The following CFAP77 variants were observed in gnomAD, a reference collection of about 807,000 sequenced individuals.
CFAP77 encodes cilia and flagella associated protein 77.
In CFAP77, 25 loss-of-function variants were observed where a neutral mutation model predicts 31.1. That is an observed-to-expected ratio of 0.80 (90% CI 0.59 to 1.12). CFAP77 has a LOEUF of 1.12. Among genes scored for constraint, CFAP77 ranks in the 50% most tolerant of loss-of-function variants. CFAP77 has a pLI of 0.00. For synonymous variants in CFAP77, 151 were observed against 159.9 expected (o/e 0.94, Z 0.42); for missense variants, 377 against 397.3 (o/e 0.95, Z 0.44).
chr9:132,572,606 T>C lies in CFAP77; in HGVS notation c.*96T>C. 1 of 1,254,676 alleles carries C rather than the reference T, an allele frequency of 8.0e-7. No homozygotes were observed. The highest frequency in any genetic ancestry group is 1.1e-6 in the Non-Finnish European group (1 of 915,484). 77.7% of individuals were successfully genotyped at this position (1,254,676 alleles called of 1,614,324 possible). ...CCCCAACCCTGACATTCCCCCATTT[T>C]TATGCAGGTTCTGCTTCAAGGAGCT... On this transcript the variant is annotated 3_prime_UTR_variant, in exon 6 of 6. Coordinates refer to ENST00000393216, the MANE Select transcript of CFAP77 (RefSeq NM_001282957.2).
Position 132,543,994 on chromosome 9 carries a change from G to A in CFAP77, c.732+947G>A, listed in dbSNP as rs116253208. ...AGGGAGCCTTTCTAGGAGGCCACAA[G>A]GCAGTCGCCTGGCCCCGGGAAGACA... On this transcript the variant is annotated intron_variant, in intron 5 of 5. Coordinates refer to ENST00000393216, the MANE Select transcript of CFAP77 (RefSeq NM_001282957.2). 7.3e-3 allele frequency among the ~76,000 whole-genome samples: 1,107 copies of A among 152,340 alleles called. 16 individuals carry two copies. The highest frequency in any genetic ancestry group is 0.025 in the African/African-American group (1,041 of 41,572).
At chr9:132,549,796 G>T (rs1178696100) in intron 5 of CFAP77, among the ~76,000 whole-genome samples, 5 of 152,132 alleles carry the variant, frequency 3.3e-5, no homozygotes, top group Middle Eastern at 3.2e-3. Context: ...CAGAGATTGT[G>T]CCACTACACT....
At chr9:132,469,655 C>T (rs1299537737) in intron 1 of CFAP77, among the ~76,000 whole-genome samples, 1 of 152,022 alleles carries the variant, frequency 6.6e-6, no homozygotes, top group Non-Finnish European at 1.5e-5. Context: ...TTCATTTGCC[C>T]ACCTTTTTAA....
intron 5 of CFAP77, among the ~76,000 whole-genome samples, chr9:132,559,612 C>T (rs1169190278): frequency 6.6e-6 from 1 of 152,132 alleles, no homozygotes; most frequent in East Asian, 1.9e-4. Flanking sequence ...AAGTTGGAAA[C>T]ACTTTGGCAG....
At chr9:132,464,907 C>A (rs899029019) in intron 1 of CFAP77, among the ~76,000 whole-genome samples, 3 of 151,812 alleles carry the variant, frequency 2.0e-5, no homozygotes, top group Non-Finnish European at 1.5e-5. Context: ...CCCTGGCCAA[C>A]TAAAAATACA....
chr9:132,526,542 TAA>T (rs35890047), intron 3 of CFAP77, among the ~76,000 whole-genome samples: 2,146 of 145,486 alleles, frequency 0.015, 55 homozygotes, highest in South Asian at 0.027. Context: ...GGCAGTTTCT[TAA>T]AAAAAAACTA....
chr9:132,520,498 T>C (rs1734843897), intron 3 of CFAP77, among the ~76,000 whole-genome samples: 1 of 152,022 alleles, frequency 6.6e-6, no homozygotes, highest in African/African-American at 2.4e-5. Flanking sequence ...ATTTAAAAAT[T>C]AGCCAGTTAC....
In CFAP77 at chr9:132,422,947, C is replaced by G. The variant is rs75838883; in HGVS notation, c.195+12481C>G. ...TTCCAGGCTGGTTTAGGGTTAGTGA[C>G]TACGATTTGTTTACTTTTTGTAAGT... On this transcript the variant is annotated intron_variant, in intron 1 of 5. Transcript: ENST00000393216. Among the ~76,000 whole-genome samples the G allele has an allele frequency of 7.2e-5, 11 of 152,310 alleles. No individual in the cohort carries two copies. The East Asian group carries it at 2.1e-3, about 29-fold the overall frequency.
chr9:132,504,203 G>T (rs1851897671), intron 3 of CFAP77, among the ~76,000 whole-genome samples: 1 of 152,192 alleles, frequency 6.6e-6, no homozygotes, highest in African/African-American at 2.4e-5. Flanking sequence ...GAGTCCAGTT[G>T]TCAGGCTCCC....
At chr9:132,458,360 G>A (rs1850966528) in intron 1 of CFAP77, among the ~76,000 whole-genome samples, 1 of 146,164 alleles carries the variant, frequency 6.8e-6, no homozygotes, top group South Asian at 2.2e-4. Context: ...GGGGGGGGGT[G>A]TGTATGGAAG....
At chr9:132,479,655 G>T (rs1034556697) in intron 1 of CFAP77, among the ~76,000 whole-genome samples, 14 of 152,220 alleles carry the variant, frequency 9.2e-5, no homozygotes, top group African/African-American at 3.4e-4. Context: ...CGTTGGCTTT[G>T]CTCAGGCCAT....
intron 1 of CFAP77, among the ~76,000 whole-genome samples, chr9:132,494,621 C>T (rs993832363): frequency 2.0e-5 from 3 of 152,158 alleles, no homozygotes; most frequent in South Asian, 2.1e-4. Context: ...GTTGGGTTAT[C>T]GGACAGGCAT....
At position 132,521,778 on chromosome 9, in the gene CFAP77, T is replaced by TGTTTTTTTTG. The variant is rs1554747339; in HGVS notation, c.525-15823_525-15822insGTTTTTTTTG. 1.0e-4 allele frequency among the ~76,000 whole-genome samples: 11 copies of TGTTTTTTTTG among 106,152 alleles called. 1 individual carries two copies. Among genetic ancestry groups the TGTTTTTTTTG allele is most frequent in the Non-Finnish European group, 1.7e-5 (1 of 57,760 alleles). 69.6% of individuals were successfully genotyped at this position (106,152 alleles called of 152,430 possible). A position where few individuals can be genotyped will look rare whatever the true frequency, so the allele number is the denominator to read the frequency against. ...ATAGACTTGCTTTTTTTTTTTTTTT[T>TGTTTTTTTTG]TTTTTTGAGATGAAGTCTCACTCTG... On this transcript the variant is annotated intron_variant, in intron 3 of 5. Coordinates refer to ENST00000393216, the MANE Select transcript of CFAP77 (RefSeq NM_001282957.2).
At chr9:132,474,252 G>T (rs572456209) in intron 1 of CFAP77, among the ~76,000 whole-genome samples, 25 of 152,308 alleles carry the variant, frequency 1.6e-4, no homozygotes, top group Admixed American at 9.8e-4. Flanking sequence ...CCTTGCTCTG[G>T]AAGAGTGTGG....
rs368335420 is a variant in CFAP77, at chr9:132,506,167, C to G, written c.524+6567C>G. On this transcript the variant is annotated intron_variant, in intron 3 of 5. Transcript: ENST00000393216. ...CAGCTGGAAAGAGCCCCGGCATTCT[C>G]TCGCTGCTGTTTCACTGTCAAATCC... is the stretch of plus-strand genomic sequence containing the variant. 2.6e-5 allele frequency among the ~76,000 whole-genome samples: 4 copies of G among 152,318 alleles called. No homozygotes were observed. The East Asian group carries it at 5.8e-4, about 22-fold the overall frequency.
rs142717045 is a variant in CFAP77 at position 132,436,364 on chromosome 9, C to T, written c.195+25898C>T. Among the ~76,000 whole-genome samples, 10 of 152,246 alleles carry T rather than the reference C, an allele frequency of 6.6e-5. No individual in the cohort carries two copies. In the East Asian group the frequency reaches 1.9e-3, roughly 29 times the overall value. On this transcript the variant is annotated intron_variant, in intron 1 of 5. Coordinates refer to ENST00000393216, the MANE Select transcript of CFAP77 (RefSeq NM_001282957.2). Reference sequence around the variant, plus strand: ...GGCACTTTTCGTTGAATTTAGGATCCTCAAGGATCATCCAGGATGATCTCA... The same window carrying T: ...GGCACTTTTCGTTGAATTTAGGATCTTCAAGGATCATCCAGGATGATCTCA...
rs866062751 is a variant in CFAP77, at chr9:132,539,040, T to G, written c.630+1334T>G. On this transcript the variant is annotated intron_variant, in intron 4 of 5. Coordinates refer to ENST00000393216, the MANE Select transcript of CFAP77 (RefSeq NM_001282957.2). The surrounding 1 kb of genome is among the most constrained non-coding windows in gnomAD (Gnocchi z 4.3). Reference sequence around the variant, plus strand: ...AGGTGGAGGTTGCAGTGAGCCAAGATCGTGCCACTGCACTCCAGCCTGGGC... The same window carrying G: ...AGGTGGAGGTTGCAGTGAGCCAAGAGCGTGCCACTGCACTCCAGCCTGGGC... Among the ~76,000 whole-genome samples, 1 of 152,098 alleles carries G rather than the reference T, an allele frequency of 6.6e-6. No individual in the cohort carries two copies. Among genetic ancestry groups the G allele is most frequent in the African/African-American group, 2.4e-5 (1 of 41,402 alleles).
At chr9:132,513,334 CG>C in intron 3 of CFAP77, 1 of 1,546,454 alleles carries the variant, frequency 6.5e-7, no homozygotes, top group Non-Finnish European at 8.7e-7. Context: ...GGATTTAGCA[CG>C]CTAACCATCT....
At chr9:132,536,660 C>T (rs1435599250) in intron 3 of CFAP77, among the ~76,000 whole-genome samples, 1 of 152,142 alleles carries the variant, frequency 6.6e-6, no homozygotes, top group Admixed American at 6.5e-5. Flanking sequence ...TCCCAAAGTG[C>T]TGGGATTACA....
Sources: allele counts gnomAD v4.1 joint callset (sites outside exome capture counted in the v4.1 genomes callset), GRCh38; gene constraint gnomAD v4.1.1; non-coding constraint Gnocchi (gnomAD v3.1); transcripts MANE v1.5; gene names NCBI Gene and HGNC (gene_info 2026-07-23, HGNC 2026-07-21).